ATP9B: variants seen among roughly 807,000 people sequenced by gnomAD.
The protein encoded by ATP9B is ATPase phospholipid transporting 9B, also known as probable phospholipid-transporting ATPase IIB.
Under a neutral mutation model 146.1 loss-of-function variants are expected in ATP9B, and 110 were observed. The observed-to-expected ratio is 0.75, with a 90% CI of 0.65 to 0.88. The LOEUF (loss-of-function observed/expected upper bound fraction) is 0.88. Ranked by LOEUF, ATP9B falls within the 40% of genes least tolerant of loss-of-function variation. The pLI, the probability that ATP9B is intolerant of heterozygous loss-of-function variation, is 0.00. For missense variants in ATP9B, 1,499 were observed against 1,496.4 expected, an observed-to-expected ratio of 1.00 and a Z score of -0.03; for synonymous variants, 604 against 569.7, an observed-to-expected ratio of 1.06 and a Z score of -0.86.
intron 23 of ATP9B, 104 bp downstream of exon 23, chr18:79,345,943 C>T: frequency 1.6e-6 from 2 of 1,288,154 alleles, no homozygotes; most frequent in South Asian, 2.4e-5. Context: ...TTGGTCAGTG[C>T]ACGTCAGCAT....
chr18:79,077,342 CTGGGAAGGGAAGGTACCA>C (rs1166179512), intron 1 of ATP9B, among the ~76,000 whole-genome samples: 1 of 152,136 alleles, frequency 6.6e-6, no homozygotes, highest in East Asian at 1.9e-4. Flanking sequence ...CCTTTGACAT[CTGGGAAGGGAAGGTACCA>C]TGTGACTGCT....
intron 9 of ATP9B, among the ~76,000 whole-genome samples, chr18:79,202,593 T>C (rs1162518462): frequency 6.6e-6 from 1 of 152,218 alleles, no homozygotes; most frequent in Non-Finnish European, 1.5e-5. Context: ...TTATAGACCA[T>C]TAAAGAGAAG....
In ATP9B at chr18:79,069,545, C is replaced by T; in HGVS notation, c.119+16C>T. 3.8e-6 allele frequency: 5 copies of T among 1,317,810 alleles called. No homozygotes were observed. The Middle Eastern group carries it at 8.5e-4, about 224-fold the overall frequency. 81.6% of individuals were successfully genotyped at this position (1,317,810 alleles called of 1,614,324 possible). ...GGCACAGCAGGTAACCGAGGCGGCA[C>T]TGGCCCCGTTCCCCGCCGACGCTCC... On this transcript the variant is annotated intron_variant, in intron 1 of 29. Transcript: ENST00000426216.
chr18:79,078,951 G>A (rs559963719), intron 1 of ATP9B, among the ~76,000 whole-genome samples: 8 of 152,228 alleles, frequency 5.3e-5, no homozygotes, highest in South Asian at 2.1e-4. Flanking sequence ...TGAGAATGAC[G>A]GTTTCCAGCT....
intron 1 of ATP9B, among the ~76,000 whole-genome samples, chr18:79,075,189 G>T (rs1345372158): frequency 1.3e-5 from 2 of 151,884 alleles, no homozygotes; most frequent in African/African-American, 4.8e-5. Context: ...CCATTCTCCT[G>T]CCTCAGCCTC....
intron 25 of ATP9B, among the ~76,000 whole-genome samples, chr18:79,349,464 C>G (rs531333395): frequency 6.6e-6 from 1 of 152,314 alleles, no homozygotes; most frequent in South Asian, 2.1e-4. Flanking sequence ...GCGCCGGGTG[C>G]TGCTCCTCAC....
rs28619063 is a variant in ATP9B, at chr18:79,145,493, G to A, written c.726+1633G>A. 1.5e-3 allele frequency: 122 copies of A among 81,522 alleles called. 4 individuals are homozygous for A. The highest frequency in any genetic ancestry group is 2.0e-3 in the Non-Finnish European group (81 of 41,110). The allele number at this position is 81,522 out of a possible 1,614,324, so 5.0% of individuals were successfully genotyped here. A position where few individuals can be genotyped will look rare whatever the true frequency, so the allele number is the denominator to read the frequency against. ...GGTGTGCAGAGTGACTGAAGGTGCAGGCTGCATGTCGGGGGAGCTGGCGGT... is the reference window on the plus strand; with the variant it reads ...GGTGTGCAGAGTGACTGAAGGTGCAAGCTGCATGTCGGGGGAGCTGGCGGT... On this transcript the variant is annotated intron_variant, in intron 6 of 29. Transcript: ENST00000426216.
chr18:79,343,389 T>C (rs1292516338), intron 20 of ATP9B, among the ~76,000 whole-genome samples: 1 of 152,226 alleles, frequency 6.6e-6, no homozygotes, highest in African/African-American at 2.4e-5. Context: ...ATCATTTCTT[T>C]TATGCTCCAT....
intron 11 of ATP9B, among the ~76,000 whole-genome samples, chr18:79,216,404 C>T (rs908509133): frequency 6.6e-6 from 1 of 152,200 alleles, no homozygotes; most frequent in African/African-American, 2.4e-5. Flanking sequence ...TCCACCCTCC[C>T]CTCTCTGAAG....
Position 79,376,214 on chromosome 18 carries a change from C to CACACACAAAA in ATP9B, c.3307+789_3307+790insCACACAAAAA. On this transcript the variant is annotated intron_variant, in intron 29 of 29. Transcript: ENST00000426216. The stretch of plus-strand genomic sequence containing the variant: ...ACACACACACACACACACACACACA[C>CACACACAAAA]AAAACAAAACAAAAAAATGGCTAGC... 2,959 of 870,460 alleles carry CACACACAAAA rather than the reference C, an allele frequency of 3.4e-3. 70 individuals carry two copies. Among genetic ancestry groups the CACACACAAAA allele is most frequent in the Middle Eastern group, 6.8e-3 (11 of 1,620 alleles). The allele number at this position is 870,460 out of a possible 1,614,324, so 53.9% of individuals were successfully genotyped here.
chr18:79,244,577 TG>T (rs1233634472), intron 11 of ATP9B, among the ~76,000 whole-genome samples: 2 of 152,202 alleles, frequency 1.3e-5, no homozygotes, highest in Non-Finnish European at 2.9e-5. Context: ...TAATAGAATC[TG>T]ATGACATTTT....
intron 10 of ATP9B, among the ~76,000 whole-genome samples, chr18:79,208,161 C>A (rs367827520): frequency 1.3e-5 from 2 of 152,100 alleles, no homozygotes; most frequent in African/African-American, 4.8e-5. Flanking sequence ...AGGAGAATGG[C>A]GGGAACCCGG....
intron 7 of ATP9B, among the ~76,000 whole-genome samples, chr18:79,170,180 G>A (rs1343544614): frequency 2.0e-5 from 3 of 152,162 alleles, no homozygotes; most frequent in East Asian, 1.9e-4. Context: ...TTCATTCACC[G>A]GCTCTGTCCG....
At chr18:79,356,664 T>C (rs1010049724) in intron 25 of ATP9B, among the ~76,000 whole-genome samples, 3 of 151,382 alleles carry the variant, frequency 2.0e-5, no homozygotes, top group African/African-American at 7.3e-5. Context: ...TTGCATAGCA[T>C]TCCATTTGCA....
chr18:79,266,968 A>T (rs1255943247), intron 12 of ATP9B, among the ~76,000 whole-genome samples: 6 of 151,260 alleles, frequency 4.0e-5, no homozygotes, highest in Admixed American at 3.3e-4. Flanking sequence ...TCATAAAAAT[A>T]TTTTTTTTTC....
chr18:79,331,253 G>A (rs2096788668), intron 17 of ATP9B, among the ~76,000 whole-genome samples: 2 of 152,156 alleles, frequency 1.3e-5, no homozygotes, highest in African/African-American at 4.8e-5. Flanking sequence ...GTTCGCAACG[G>A]TAGTGGCAAT....
At chr18:79,347,053 G>A (rs576994723) in intron 23 of ATP9B, among the ~76,000 whole-genome samples, 1 of 152,360 alleles carries the variant, frequency 6.6e-6, no homozygotes, top group East Asian at 1.9e-4. Context: ...GATGTTAGCA[G>A]ATCCCTCGGC....
At chr18:79,372,374 C>T in intron 26 of ATP9B, 1 of 327,736 alleles carries the variant, frequency 3.1e-6, no homozygotes, top group South Asian at 2.5e-5. Flanking sequence ...CTTTTTACTT[C>T]AGTTGAGATG....
chr18:79,273,490 T>C (rs1214570393), intron 12 of ATP9B, among the ~76,000 whole-genome samples: 1 of 152,242 alleles, frequency 6.6e-6, no homozygotes, highest in African/African-American at 2.4e-5. Context: ...TCGGTAAAAC[T>C]TCTGATTAAA....
Sources: gnomAD v4.1 joint callset for allele counts (sites outside exome capture counted in the v4.1 genomes callset) on GRCh38, gnomAD v4.1.1 for gene constraint, MANE v1.5 for transcripts, NCBI Gene and HGNC (gene_info 2026-07-23, HGNC 2026-07-21) for gene names.